ROBO1: variants seen among roughly 807,000 people sequenced by gnomAD.
ROBO1 encodes roundabout guidance receptor 1.
Under a neutral mutation model 195.9 loss-of-function variants are expected in ROBO1, and 149 were observed. The ratio of observed to expected loss-of-function variants is 0.76; its 90% CI spans 0.67 to 0.87. The LOEUF (loss-of-function observed/expected upper bound fraction) is 0.87, where lower values mean the gene tolerates loss of function less well. ROBO1 is among the 40% of genes least tolerant of loss of function. The pLI is 0.00. For synonymous variants in ROBO1, 816 were observed against 733.2 expected (o/e 1.11, Z -1.82); for missense variants, 1,933 against 2,068.3 (o/e 0.93, Z 1.27).
chr3:78,878,470 A>T (rs1356287306), intron 4 of ROBO1, among the ~76,000 whole-genome samples: 5 of 151,010 alleles, frequency 3.3e-5, no homozygotes, highest in Admixed American at 1.3e-4. Context: ...CTGTAATTCC[A>T]GCTACTTGTG....
At chr3:79,453,772 A>G (rs2039521816) in intron 2 of ROBO1, among the ~76,000 whole-genome samples, 1 of 152,084 alleles carries the variant, frequency 6.6e-6, no homozygotes, top group Non-Finnish European at 1.5e-5. Context: ...GGAAACTTGG[A>G]AAAAACACTA....
chr3:78,813,278 A>G (rs2084799765), intron 4 of ROBO1, among the ~76,000 whole-genome samples: 1 of 151,966 alleles, frequency 6.6e-6, no homozygotes, highest in African/African-American at 2.4e-5. Flanking sequence ...TTGATAACAA[A>G]ATGAATACAG....
intron 5 of ROBO1, among the ~76,000 whole-genome samples, chr3:78,721,481 C>T (rs1302886499): frequency 6.6e-6 from 1 of 152,132 alleles, no homozygotes; most frequent in Non-Finnish European, 1.5e-5. Flanking sequence ...CAGAATCTAA[C>T]CTTGAAGTCT....
intron 1 of ROBO1, among the ~76,000 whole-genome samples, chr3:79,602,620 G>A (rs1415803547): frequency 2.6e-5 from 4 of 152,100 alleles, no homozygotes; most frequent in African/African-American, 9.6e-5. Context: ...GTAATTCATT[G>A]TATCAAGATG....
Position 78,606,864 on chromosome 3 carries a change from C to A in ROBO1, c.4613G>T (p.Arg1538Ile), listed in dbSNP as rs757166797. The stretch of plus-strand genomic sequence containing the variant: ...ATTTGTTCGCATGTCAACAACCTGT[C>A]TTCCATCCAACACTTCTCTCCCCTT... ...SYKGREVLDG[R>I]QVVDMRTNPG... Residue 1538 changes from arginine (R) to isoleucine (I), a missense_variant, in exon 29 of 31, where the codon AGA becomes ATA. Physicochemically the swap from Arg to Ile is moderately conservative, Grantham distance 97 (BLOSUM62 -3). Transcript: ENST00000464233. 11 of 1,613,774 alleles carry A rather than the reference C, an allele frequency of 6.8e-6. No homozygotes were observed. Among genetic ancestry groups the A allele is most frequent in the Non-Finnish European group, 8.5e-6 (10 of 1,179,884 alleles).
chr3:78,981,616 C>T (rs1326823927), intron 3 of ROBO1, among the ~76,000 whole-genome samples: 1 of 152,116 alleles, frequency 6.6e-6, no homozygotes, highest in Non-Finnish European at 1.5e-5. Context: ...TCTCCCTTTT[C>T]CTCTACCCTT....
intron 2 of ROBO1, among the ~76,000 whole-genome samples, chr3:79,510,566 T>C (rs1940650054): frequency 6.8e-6 from 1 of 146,246 alleles, no homozygotes; most frequent in East Asian, 2.0e-4. Flanking sequence ...TTTTTTTTTT[T>C]GAAAGGGTCA....
At chr3:79,526,174 T>C (rs1941425184) in intron 2 of ROBO1, among the ~76,000 whole-genome samples, 1 of 152,218 alleles carries the variant, frequency 6.6e-6, no homozygotes, top group Non-Finnish European at 1.5e-5. Context: ...GTATTTTGAA[T>C]CTTATTGTTT....
rs754551038 is a variant in ROBO1 at position 78,916,143 on chromosome 3, G to A, written c.499+22458C>T. 3.2e-3 allele frequency among the ~76,000 whole-genome samples: 481 copies of A among 151,568 alleles called. 5 individuals are homozygous for A. Among genetic ancestry groups the A allele is most frequent in the Non-Finnish European group, 4.4e-3 (298 of 67,876 alleles). On this transcript the variant is annotated intron_variant, in intron 4 of 30. Coordinates refer to ENST00000464233, the MANE Select transcript of ROBO1 (RefSeq NM_002941.4). ...GCGGCGCCTGTAGTCGCAGCCACTC[G>A]GGAGGCTGAGGCAGGAGAATGGCGT...
At chr3:79,613,694 T>C (rs1204817208) in intron 1 of ROBO1, among the ~76,000 whole-genome samples, 7 of 152,082 alleles carry the variant, frequency 4.6e-5, no homozygotes, top group Admixed American at 4.6e-4. Flanking sequence ...CTGTTTTAGA[T>C]ATGAAAGTCC....
At chr3:79,254,005 G>A (rs115436107) in intron 2 of ROBO1, among the ~76,000 whole-genome samples, 60 of 152,096 alleles carry the variant, frequency 3.9e-4, no homozygotes, top group African/African-American at 1.3e-3. Context: ...TTATCCACCC[G>A]GCAAGAAGGC....
At chr3:78,793,058 T>C (rs1325236104) in intron 4 of ROBO1, among the ~76,000 whole-genome samples, 1 of 149,472 alleles carries the variant, frequency 6.7e-6, no homozygotes, top group Non-Finnish European at 1.5e-5. Context: ...GAGAGGGAGG[T>C]AGCAGTGAGC....
chr3:79,656,779 C>A (rs542205657), intron 1 of ROBO1, among the ~76,000 whole-genome samples: 11 of 151,974 alleles, frequency 7.2e-5, no homozygotes, highest in Non-Finnish European at 1.6e-4. Flanking sequence ...TGCCTGTAGT[C>A]CCAGCTACTC....
In ROBO1 at chr3:78,996,344, A is replaced by AC. The variant is rs936506478; in HGVS notation, c.173-57418_173-57417insG. On this transcript the variant is annotated intron_variant, in intron 3 of 30. Transcript: ENST00000464233. Reference sequence around the variant, plus strand: ...TAAAAAAACAAAAAAAAAAAACAAAAAAAAAAAACTCCCACTTTATCTCTA... The same window carrying AC: ...TAAAAAAACAAAAAAAAAAAACAAAACAAAAAAAACTCCCACTTTATCTCTA... Among the ~76,000 whole-genome samples the AC allele has an allele frequency of 2.5e-4, 38 of 149,586 alleles. No individual in the cohort carries two copies. In the South Asian group the frequency reaches 2.8e-3, roughly 11 times the overall value.
At chr3:78,885,941 A>ATG in intron 4 of ROBO1, among the ~76,000 whole-genome samples, 1 of 141,180 alleles carries the variant, frequency 7.1e-6, no homozygotes, top group South Asian at 2.2e-4. Flanking sequence ...ATATATATAT[A>ATG]CATACATATA....
chr3:79,453,869 G>A (rs1264859702), intron 2 of ROBO1, among the ~76,000 whole-genome samples: 1 of 152,102 alleles, frequency 6.6e-6, no homozygotes, highest in Non-Finnish European at 1.5e-5. Flanking sequence ...AAAGTCATGG[G>A]AGAAGAAGGC....
intron 1 of ROBO1, among the ~76,000 whole-genome samples, chr3:79,765,277 T>C (rs1295330668): frequency 6.6e-6 from 1 of 152,204 alleles, no homozygotes; most frequent in African/African-American, 2.4e-5. Flanking sequence ...CCCCACTCCT[T>C]AGATATCCTA....
intron 3 of ROBO1, among the ~76,000 whole-genome samples, chr3:79,052,220 G>A (rs753470834): frequency 5.9e-5 from 9 of 152,070 alleles, no homozygotes; most frequent in Non-Finnish European, 8.8e-5. Context: ...TAAAATGGCC[G>A]CTCTGGGAGT....
At chr3:79,462,623 C>T (rs944556638) in intron 2 of ROBO1, among the ~76,000 whole-genome samples, 8 of 152,076 alleles carry the variant, frequency 5.3e-5, no homozygotes, top group Admixed American at 1.3e-4. Context: ...AATAAAGTTA[C>T]CTACGAAATA....
Sources: gnomAD v4.1 joint callset for allele counts (sites outside exome capture counted in the v4.1 genomes callset) on GRCh38, gnomAD v4.1.1 for gene constraint, MANE v1.5 for transcripts, NCBI Gene and HGNC (gene_info 2026-07-23, HGNC 2026-07-21) for gene names.